Variants in HCN1 observed in about 807,000 individuals in gnomAD.
The protein encoded by HCN1 is potassium/sodium hyperpolarization-activated cyclic nucleotide-gated channel 1.
HCN1 carries 13 observed loss-of-function variants against 78.9 expected under a neutral mutation model. That is an observed-to-expected ratio of 0.16 (90% CI 0.11 to 0.26). The LOEUF (loss-of-function observed/expected upper bound fraction) is 0.26, where lower values mean the gene tolerates loss of function less well. Among genes scored for constraint, HCN1 ranks in the 10% least tolerant of loss-of-function variants. The pLI is 1.00. For synonymous variants in HCN1, 552 were observed against 455.5 expected, an observed-to-expected ratio of 1.21 and a Z score of -2.70; for missense variants, 810 against 1,154.3, an observed-to-expected ratio of 0.70 and a Z score of 4.32.
At chr5:45,524,361 T>C (rs1254398123) in intron 2 of HCN1, among the ~76,000 whole-genome samples, 2 of 152,296 alleles carry the variant, frequency 1.3e-5, no homozygotes, top group Non-Finnish European at 2.9e-5. Context: ...TTTGGTTCCA[T>C]ATGAACTTTA....
chr5:45,538,534 G>A (rs1743017602), intron 2 of HCN1, among the ~76,000 whole-genome samples: 1 of 152,138 alleles, frequency 6.6e-6, no homozygotes, highest in African/African-American at 2.4e-5. Flanking sequence ...TAGTAAGTAA[G>A]TGATGGAACT....
chr5:45,511,926 G>A (rs1478457654), intron 2 of HCN1, among the ~76,000 whole-genome samples: 4 of 151,940 alleles, frequency 2.6e-5, no homozygotes, highest in Non-Finnish European at 5.9e-5. Context: ...CACATTTTTG[G>A]CAAATATAAA....
intron 3 of HCN1, among the ~76,000 whole-genome samples, chr5:45,448,981 G>T (rs977176807): frequency 6.6e-6 from 1 of 152,114 alleles, no homozygotes; most frequent in Non-Finnish European, 1.5e-5. Context: ...AGCTGTGGTG[G>T]CCCGTGCCTG....
intron 1 of HCN1, among the ~76,000 whole-genome samples, chr5:45,653,524 T>C (rs1745715542): frequency 6.6e-6 from 1 of 152,160 alleles, no homozygotes; most frequent in Non-Finnish European, 1.5e-5. Context: ...ATAGTATATA[T>C]ACTGCTGATT....
intron 2 of HCN1, among the ~76,000 whole-genome samples, chr5:45,512,013 A>G (rs565350880): frequency 1.3e-5 from 2 of 152,238 alleles, no homozygotes; most frequent in East Asian, 3.9e-4. Flanking sequence ...AGTAGTATTT[A>G]GTTCATGGCC....
chr5:45,497,220 A>G (rs374377178), intron 2 of HCN1, among the ~76,000 whole-genome samples: 5 of 152,150 alleles, frequency 3.3e-5, no homozygotes, highest in African/African-American at 9.6e-5. Context: ...TATTAGGTCC[A>G]CTTGGTGCAG....
chr5:45,657,917 G>A (rs971113966), intron 1 of HCN1, among the ~76,000 whole-genome samples: 25 of 152,272 alleles, frequency 1.6e-4, no homozygotes, highest in African/African-American at 5.8e-4. Flanking sequence ...AACCAAAAAA[G>A]AGCCTGCATC....
chr5:45,273,640 C>T (rs1002993794), intron 6 of HCN1, among the ~76,000 whole-genome samples: 2 of 152,120 alleles, frequency 1.3e-5, no homozygotes, highest in African/African-American at 4.8e-5. Context: ...CTTAGCTTCT[C>T]ATAGTAACCT....
chr5:45,644,313 T>C (rs949712529), intron 2 of HCN1: 4 of 152,124 alleles, frequency 2.6e-5, no homozygotes, highest in East Asian at 1.9e-4. Flanking sequence ...GACTATAAAA[T>C]TCAGGTTATA....
Position 45,569,765 on chromosome 5 carries a change from G to C in HCN1, c.849+75420C>G. Among the ~76,000 whole-genome samples the C allele has an allele frequency of 2.6e-5, 4 of 151,976 alleles. No individual in the cohort carries two copies. The South Asian group carries it at 8.3e-4, about 32-fold the overall frequency. On this transcript the variant is annotated intron_variant, in intron 2 of 7. Coordinates refer to ENST00000303230, the MANE Select transcript of HCN1 (RefSeq NM_021072.4). ...ATAGTTTAAAGTTTAAAATTAGTAA[G>C]TACAATTTTAATTAATCTATATTTT...
At chr5:45,263,164 T>C (rs1239177528) in intron 7 of HCN1, among the ~76,000 whole-genome samples, 1 of 152,166 alleles carries the variant, frequency 6.6e-6, no homozygotes, top group Non-Finnish European at 1.5e-5. Flanking sequence ...TAAAGTTACT[T>C]TTTCAAGAAA....
chr5:45,411,957 C>T (rs1164738531), intron 3 of HCN1, among the ~76,000 whole-genome samples: 1 of 152,028 alleles, frequency 6.6e-6, no homozygotes, highest in Non-Finnish European at 1.5e-5. Flanking sequence ...CCAAGTTTGC[C>T]ACAAATTGGC....
At chr5:45,621,820 T>A (rs191359050) in intron 2 of HCN1, among the ~76,000 whole-genome samples, 1 of 152,324 alleles carries the variant, frequency 6.6e-6, no homozygotes, top group East Asian at 1.9e-4. Context: ...ATAAGTGGAT[T>A]TTTTAATAAA....
At chr5:45,533,404 G>A (rs896072955) in intron 2 of HCN1, among the ~76,000 whole-genome samples, 1 of 152,050 alleles carries the variant, frequency 6.6e-6, no homozygotes, top group Non-Finnish European at 1.5e-5. Context: ...TAATAAGGCC[G>A]GTTCATGGCA....
intron 2 of HCN1, among the ~76,000 whole-genome samples, chr5:45,498,461 A>G (rs1039235721): frequency 6.6e-6 from 1 of 151,840 alleles, no homozygotes; most frequent in Non-Finnish European, 1.5e-5. Context: ...ACTTCTCTGT[A>G]TTGGTTATTC....
intron 1 of HCN1, among the ~76,000 whole-genome samples, chr5:45,683,406 A>G (rs1435886845): frequency 1.9e-4 from 29 of 152,102 alleles, no homozygotes; most frequent in Admixed American, 1.9e-3. Flanking sequence ...TTAACTCCAT[A>G]ATTTATCTGT....
intron 2 of HCN1, among the ~76,000 whole-genome samples, chr5:45,502,533 A>C (rs1042277335): frequency 2.6e-5 from 4 of 152,292 alleles, no homozygotes; most frequent in Admixed American, 2.6e-4. Flanking sequence ...AGCCATGTAC[A>C]AGTTATTTAA....
chr5:45,374,665 A>C (rs933319288), intron 4 of HCN1, among the ~76,000 whole-genome samples: 3 of 150,658 alleles, frequency 2.0e-5, no homozygotes, highest in Non-Finnish European at 3.0e-5. Context: ...CATCATCCTG[A>C]TACCAAAACC....
intron 2 of HCN1, among the ~76,000 whole-genome samples, chr5:45,556,919 A>C (rs142289933): frequency 1.3e-3 from 198 of 152,124 alleles, no homozygotes; most frequent in Admixed American, 3.5e-3. Flanking sequence ...TGACACCTGA[A>C]ATATCACACG....
Sources: gnomAD v4.1 joint callset for allele counts (sites outside exome capture counted in the v4.1 genomes callset) on GRCh38, gnomAD v4.1.1 for gene constraint, MANE v1.5 for transcripts, NCBI Gene and HGNC (gene_info 2026-07-23, HGNC 2026-07-21) for gene names.